The following ATRNL1 variants were observed in gnomAD, a reference collection of about 807,000 sequenced individuals.
ATRNL1 encodes the protein attractin-like protein 1.
Under a neutral mutation model 182.7 loss-of-function variants are expected in ATRNL1, and 95 were observed. The observed-to-expected ratio is 0.52, with a 90% CI of 0.44 to 0.62. ATRNL1 has a LOEUF of 0.62. Ranked by LOEUF, ATRNL1 falls within the 20% of genes least tolerant of loss-of-function variation. The pLI, the probability that ATRNL1 is intolerant of heterozygous loss-of-function variation, is 0.00. For missense variants in ATRNL1, 1,471 were observed against 1,679.5 expected (o/e 0.88, Z 2.17); for synonymous variants, 576 against 568.3 (o/e 1.01, Z -0.19).
At chr10:115,764,351 T>G (rs1478294899) in intron 27 of ATRNL1, among the ~76,000 whole-genome samples, 1 of 152,112 alleles carries the variant, frequency 6.6e-6, no homozygotes, top group Non-Finnish European at 1.5e-5. Context: ...GAGTTCACTC[T>G]TTGAGTTTTA....
rs185786205 is a variant in ATRNL1 at position 115,640,732 on chromosome 10, G to T, written c.3796-86516G>T. ...CTTCCATTCTGTAGGTTGCCTGTTC[G>T]CTGATGATAATTTCTTTTGCTGTGC... On this transcript the variant is annotated intron_variant, in intron 26 of 28. Coordinates refer to ENST00000355044, the MANE Select transcript of ATRNL1 (RefSeq NM_207303.4). Among the ~76,000 whole-genome samples, 145 of 151,980 alleles carry T rather than the reference G, an allele frequency of 9.5e-4. 1 individual carries two copies. Among genetic ancestry groups the T allele is most frequent in the African/African-American group, 3.4e-3 (143 of 41,494 alleles).
intron 13 of ATRNL1, among the ~76,000 whole-genome samples, chr10:115,278,736 C>G (rs1852213929): frequency 6.6e-6 from 1 of 152,198 alleles, no homozygotes; most frequent in Non-Finnish European, 1.5e-5. Flanking sequence ...ACCTTAGGCA[C>G]TAATACTACT....
chr10:115,577,610 T>TTGTGTGTGTGTGTGTGTGTG (rs3981280), intron 26 of ATRNL1, among the ~76,000 whole-genome samples: 1 of 135,016 alleles, frequency 7.4e-6, no homozygotes, highest in Non-Finnish European at 1.6e-5. Flanking sequence ...TTCTAACAGG[T>TTGTGTGTGTGTGTGTGTGTG]TGTGTGTGTG....
intron 26 of ATRNL1, among the ~76,000 whole-genome samples, chr10:115,608,880 GA>G (rs1171184422): frequency 4.8e-5 from 7 of 147,240 alleles, no homozygotes; most frequent in Admixed American, 6.8e-5. Context: ...AGACAAAATT[GA>G]AAAAAAAAAT....
chr10:115,290,322 C>T (rs530086109), intron 15 of ATRNL1, among the ~76,000 whole-genome samples: 1 of 151,978 alleles, frequency 6.6e-6, no homozygotes, highest in South Asian at 2.1e-4. Flanking sequence ...TGCCTCACAC[C>T]AAGGAAATCA....
rs59256867 is a variant in ATRNL1 at position 115,403,257 on chromosome 10, C to CTTTTTTTTTTTTTTTTTTTTTTTTTTTTT, written c.3269+8524_3269+8525insTTTTTTTTTTTTTTTTTTTTTTTTTTTTT. Among the ~76,000 whole-genome samples the CTTTTTTTTTTTTTTTTTTTTTTTTTTTTT allele has an allele frequency of 2.9e-4, 31 of 107,470 alleles. 1 individual carries two copies. Among genetic ancestry groups the CTTTTTTTTTTTTTTTTTTTTTTTTTTTTT allele is most frequent in the African/African-American group, 1.4e-3 (28 of 20,376 alleles). The allele number at this position is 107,470 out of a possible 152,430, so 70.5% of individuals were successfully genotyped here. Reference sequence around the variant, plus strand: ...CTTTATTTTTCCTAATTACTCTCATCTTTTTTTTTTTTTTTTTTTAGTCTG... The same window carrying CTTTTTTTTTTTTTTTTTTTTTTTTTTTTT: ...CTTTATTTTTCCTAATTACTCTCATCTTTTTTTTTTTTTTTTTTTTTTTTTTTTTTTTTTTTTTTTTTTTTTTTAGTCTG... On this transcript the variant is annotated intron_variant, in intron 20 of 28. Coordinates refer to ENST00000355044, the MANE Select transcript of ATRNL1 (RefSeq NM_207303.4).
chr10:115,253,466 T>A (rs1554905861), intron 10 of ATRNL1, among the ~76,000 whole-genome samples: 2 of 152,030 alleles, frequency 1.3e-5, no homozygotes, highest in Non-Finnish European at 2.9e-5. Context: ...GACAACAAGT[T>A]TTTTTTTGAA....
At chr10:115,691,695 C>T (rs1946398645) in intron 26 of ATRNL1, among the ~76,000 whole-genome samples, 1 of 152,176 alleles carries the variant, frequency 6.6e-6, no homozygotes, top group African/African-American at 2.4e-5. Context: ...GCACTCCAGC[C>T]TGGGTGACAG....
chr10:115,153,761 CT>C (rs1188555175), intron 5 of ATRNL1, among the ~76,000 whole-genome samples: 1 of 152,090 alleles, frequency 6.6e-6, no homozygotes, highest in Admixed American at 6.6e-5. Context: ...CTTCTGCTAG[CT>C]TTTGAATGTG....
At chr10:115,850,473 A>G (rs1387317483) in intron 28 of ATRNL1, among the ~76,000 whole-genome samples, 1 of 152,160 alleles carries the variant, frequency 6.6e-6, no homozygotes, top group African/African-American at 2.4e-5. Flanking sequence ...TGCACAGCCA[A>G]TTAAAACTTC....
At chr10:115,286,120 A>T (rs1852599615) in intron 14 of ATRNL1, 96 bp from the exon 15 acceptor site, 1 of 620,854 alleles carries the variant, frequency 1.6e-6, no homozygotes, top group Non-Finnish European at 2.8e-6. Flanking sequence ...TTATTTCAAA[A>T]ATAATTTAAA....
At chr10:115,649,682 T>G (rs1859860095) in intron 26 of ATRNL1, among the ~76,000 whole-genome samples, 1 of 152,120 alleles carries the variant, frequency 6.6e-6, no homozygotes, top group African/African-American at 2.4e-5. Flanking sequence ...CAAAATTCAT[T>G]TTGTGAATGA....
intron 10 of ATRNL1, among the ~76,000 whole-genome samples, chr10:115,243,029 C>A (rs560836323): frequency 6.6e-6 from 1 of 151,984 alleles, no homozygotes; most frequent in East Asian, 1.9e-4. Flanking sequence ...GGTGATAAGA[C>A]CCTGGGCTTA....
At chr10:115,590,438 C>T (rs1227318589) in intron 26 of ATRNL1, among the ~76,000 whole-genome samples, 1 of 151,810 alleles carries the variant, frequency 6.6e-6, no homozygotes, top group African/African-American at 2.4e-5. Context: ...TCTGCTTGTG[C>T]TCTTTATTAT....
intron 10 of ATRNL1, 57 bp downstream of exon 10, chr10:115,241,782 T>G (rs1275754595): frequency 7.8e-6 from 11 of 1,402,132 alleles, no homozygotes; most frequent in Non-Finnish European, 1.1e-5. Context: ...TCCATATAGA[T>G]ATTCTCAAAT....
chr10:115,787,377 C>T (rs547656165), intron 27 of ATRNL1, among the ~76,000 whole-genome samples: 1 of 152,258 alleles, frequency 6.6e-6, no homozygotes, highest in African/African-American at 2.4e-5. Context: ...TAATTATTTT[C>T]ACTTGATGAA....
At chr10:115,933,669 G>A (rs1016604998) in intron 28 of ATRNL1, among the ~76,000 whole-genome samples, 1 of 152,202 alleles carries the variant, frequency 6.6e-6, no homozygotes, top group African/African-American at 2.4e-5. Flanking sequence ...TTCAAGTCAA[G>A]AACAACTTGG....
chr10:115,533,309 C>A (rs1240131888), intron 25 of ATRNL1, among the ~76,000 whole-genome samples: 2 of 152,062 alleles, frequency 1.3e-5, no homozygotes, highest in South Asian at 2.1e-4. Context: ...AGAGATTCAA[C>A]TTCTTCTTGG....
chr10:115,469,169 T>C lies in ATRNL1; in HGVS notation c.3497-3T>C. On this transcript the variant is annotated splice_region_variant and splice_polypyrimidine_tract_variant and intron_variant, in intron 23 of 28. Transcript: ENST00000355044. ...TTAATTATTTAAATTATTTACATTT[T>C]AGCTGGAACAATATCTGGGGAAGAG... The C allele has an allele frequency of 8.8e-7, 1 of 1,130,090 alleles. No homozygotes were observed. Among genetic ancestry groups the C allele is most frequent in the South Asian group, 2.6e-5 (1 of 39,142 alleles). 70.0% of individuals were successfully genotyped at this position (1,130,090 alleles called of 1,614,324 possible). A position where few individuals can be genotyped will look rare whatever the true frequency, so the allele number is the denominator to read the frequency against.
Sources: gnomAD v4.1 joint callset for allele counts (sites outside exome capture counted in the v4.1 genomes callset) on GRCh38, gnomAD v4.1.1 for gene constraint, MANE v1.5 for transcripts, NCBI Gene and HGNC (gene_info 2026-07-23, HGNC 2026-07-21) for gene names.